The following ADCY9 variants were observed in gnomAD, a reference collection of about 807,000 sequenced individuals.
The protein encoded by ADCY9 is adenylate cyclase type 9.
Under a neutral mutation model 101.5 loss-of-function variants are expected in ADCY9, and 50 were observed. That is an observed-to-expected ratio of 0.49 (90% confidence interval 0.39 to 0.62). The LOEUF (loss-of-function observed/expected upper bound fraction) is 0.62. Among genes scored for constraint, ADCY9 ranks in the 20% least tolerant of loss-of-function variants. The pLI is 0.00. For synonymous variants in ADCY9, 905 were observed against 769.3 expected, an observed-to-expected ratio of 1.18 and a Z score of -2.92; for missense variants, 1,662 against 1,800.4, an observed-to-expected ratio of 0.92 and a Z score of 1.39.
At chr16:4,054,727 T>G (rs771240557) in intron 2 of ADCY9, among the ~76,000 whole-genome samples, 1 of 152,072 alleles carries the variant, frequency 6.6e-6, no homozygotes, top group Admixed American at 6.6e-5. Context: ...CCCGCCACCA[T>G]GCCCGGCTAA....
At chr16:4,078,346 G>C (rs548286599) in intron 2 of ADCY9, among the ~76,000 whole-genome samples, 1 of 152,218 alleles carries the variant, frequency 6.6e-6, no homozygotes, top group Non-Finnish European at 1.5e-5. Flanking sequence ...AGGATTGCTT[G>C]AACTCAGAAG....
At chr16:4,031,337 A>G (rs2056553854) in intron 2 of ADCY9, among the ~76,000 whole-genome samples, 1 of 152,200 alleles carries the variant, frequency 6.6e-6, no homozygotes, top group South Asian at 2.1e-4. Flanking sequence ...GCAAAGAAAA[A>G]AGAGGACAAA....
At chr16:4,068,340 C>CA (rs1018959784) in intron 2 of ADCY9, among the ~76,000 whole-genome samples, 4 of 150,524 alleles carry the variant, frequency 2.7e-5, no homozygotes, top group Admixed American at 6.6e-5. Context: ...AAAAACAAAG[C>CA]AAAAAAAATA....
intron 2 of ADCY9, among the ~76,000 whole-genome samples, chr16:4,063,918 T>C (rs1027719331): frequency 6.6e-6 from 1 of 152,166 alleles, no homozygotes; most frequent in African/African-American, 2.4e-5. Context: ...TCACCATTTC[T>C]ACTCAACATT....
chr16:4,114,270 T>C lies in ADCY9; in HGVS notation c.1173A>G (p.Glu391=). 6.2e-7 allele frequency: 1 copy of C among 1,613,968 alleles called. No individual in the cohort carries two copies. The highest frequency in any genetic ancestry group is 8.5e-7 in the Non-Finnish European group (1 of 1,180,034). The stretch of plus-strand genomic sequence containing the variant: ...TATCTGCAAATAAAATACTGACTTC[T>C]TCGATCTGCTGCATCTTAAAAGGGC... The part of the protein sequence containing the change: ...AFRPFKMQQI[E]EVSILFADIV... The change falls in exon 2 of 11, where the codon GAA becomes GAG. Residue 391 remains glutamate (E), a synonymous_variant. Coordinates refer to ENST00000294016, the MANE Select transcript of ADCY9 (RefSeq NM_001116.4). The surrounding 1 kb of genome is among the most constrained non-coding windows in gnomAD (Gnocchi z 4.3).
Position 3,966,955 on chromosome 16 carries a change from T to C in ADCY9, c.2882A>G (p.Asn961Ser). 1.2e-6 allele frequency: 2 copies of C among 1,610,720 alleles called. No homozygotes were observed. The highest frequency in any genetic ancestry group is 1.1e-5 in the South Asian group (1 of 90,830). ...ACGCGGCACCGAACTATTGCACGGG[T>C]TCCTCTCGGAACTGGAGAGCAAAGA... ...DAVQNFSSERNPCNSSVPRDL... is the reference protein window; with the variant it reads ...DAVQNFSSERSPCNSSVPRDL... Residue 961 changes from asparagine (N) to serine (S), a missense_variant, in exon 11 of 11, where the codon AAC becomes AGC. Physicochemically the swap from Asn to Ser is conservative, Grantham distance 46. This residue lies in a region of ADCY9 where 624 missense variants were observed against 639.1 expected (regional missense o/e 0.98). Coordinates refer to ENST00000294016, the MANE Select transcript of ADCY9 (RefSeq NM_001116.4).
chr16:3,966,477 C>T lies in ADCY9; in HGVS notation c.3360G>A (p.Leu1120=). The stretch of plus-strand genomic sequence containing the variant: ...TGCCGTCCTGGGCCTGCGCGGTGTT[C>T]AGCCCTGACGCCGCCATGTACGTGG... ...IGATYMAASG[L]NTAQAQDGSH... The change falls in exon 11 of 11, where the codon CTG becomes CTA. Residue 1120 remains leucine (L), a synonymous_variant. Coordinates refer to ENST00000294016, the MANE Select transcript of ADCY9 (RefSeq NM_001116.4). 6.2e-7 allele frequency: 1 copy of T among 1,614,154 alleles called. No individual in the cohort carries two copies. Among genetic ancestry groups the T allele is most frequent in the South Asian group, 1.1e-5 (1 of 91,084 alleles).
chr16:4,036,468 T>G (rs1477506335), intron 2 of ADCY9, among the ~76,000 whole-genome samples: 76 of 138,226 alleles, frequency 5.5e-4, no homozygotes, highest in African/African-American at 1.9e-3. Context: ...GTTTGTTTTT[T>G]TTTTTTTTTT....
chr16:3,988,392 G>A (rs570762984), intron 6 of ADCY9, among the ~76,000 whole-genome samples: 34 of 151,658 alleles, frequency 2.2e-4, no homozygotes, highest in Non-Finnish European at 4.1e-4. Flanking sequence ...TCCAGGACAG[G>A]TGGGACGGGG....
intron 10 of ADCY9, among the ~76,000 whole-genome samples, chr16:3,970,025 C>G (rs1014158631): frequency 1.3e-5 from 2 of 152,104 alleles, no homozygotes; most frequent in African/African-American, 4.8e-5. Context: ...TAGTCTTTTT[C>G]TTTTTTACAA....
chr16:4,054,654 T>C (rs2056725056), intron 2 of ADCY9, among the ~76,000 whole-genome samples: 1 of 151,774 alleles, frequency 6.6e-6, no homozygotes, highest in Non-Finnish European at 1.5e-5. Context: ...CACTGCAAGC[T>C]ACGCCTCCCG....
chr16:4,056,792 C>T (rs564660812), intron 2 of ADCY9, among the ~76,000 whole-genome samples: 1 of 152,110 alleles, frequency 6.6e-6, no homozygotes, highest in African/African-American at 2.4e-5. Context: ...TTCGGCATGA[C>T]GATGGAGGTG....
intron 2 of ADCY9, among the ~76,000 whole-genome samples, chr16:4,032,511 A>ATTTTTTT (rs35449509): frequency 7.1e-6 from 1 of 140,516 alleles, no homozygotes; most frequent in African/African-American, 2.6e-5. Flanking sequence ...ATATCACACA[A>ATTTTTTT]TTTTTTTTTT....
At chr16:4,092,919 G>A (rs1597220996) in intron 2 of ADCY9, among the ~76,000 whole-genome samples, 1 of 152,180 alleles carries the variant, frequency 6.6e-6, no homozygotes, top group East Asian at 1.9e-4. Context: ...GATAGCAAAA[G>A]AAGCCAAAAA....
intron 3 of ADCY9, among the ~76,000 whole-genome samples, chr16:4,002,946 C>A (rs995358592): frequency 6.6e-6 from 1 of 152,172 alleles, no homozygotes; most frequent in Non-Finnish European, 1.5e-5. Context: ...GAACTCCTGA[C>A]CGCAGGTGAT....
At chr16:3,969,586 A>G (rs1391198047) in intron 10 of ADCY9, among the ~76,000 whole-genome samples, 22 of 81,714 alleles carry the variant, frequency 2.7e-4, no homozygotes, top group Non-Finnish European at 4.8e-4. Context: ...ATATATATAT[A>G]TATATATATA....
intron 10 of ADCY9, among the ~76,000 whole-genome samples, chr16:3,968,774 A>C (rs2056021594): frequency 6.6e-6 from 1 of 152,032 alleles, no homozygotes; most frequent in Admixed American, 6.5e-5. Context: ...GTCATTTTAA[A>C]TATTGCACAT....
chr16:4,103,854 G>A (rs1212484764), intron 2 of ADCY9, among the ~76,000 whole-genome samples: 2 of 152,068 alleles, frequency 1.3e-5, no homozygotes, highest in Non-Finnish European at 2.9e-5. Context: ...AGAAAAAAAA[G>A]AATGTCCCAG....
At chr16:4,093,176 T>C (rs2141190970) in intron 2 of ADCY9, among the ~76,000 whole-genome samples, 1 of 152,326 alleles carries the variant, frequency 6.6e-6, no homozygotes, top group East Asian at 1.9e-4. Context: ...AATTATCTGA[T>C]TGATTAAAAG....
Sources: gnomAD v4.1 joint callset for allele counts (sites outside exome capture counted in the v4.1 genomes callset) on GRCh38, gnomAD v4.1.1 for gene constraint, gnomAD v4.1.1 regional missense constraint, Gnocchi (gnomAD v3.1) non-coding constraint, MANE v1.5 for transcripts, NCBI Gene and HGNC (gene_info 2026-07-23, HGNC 2026-07-21) for gene names.